Variants in EP400 observed in about 807,000 individuals in gnomAD.
EP400 encodes E1A-binding protein p400.
In EP400, 105 loss-of-function variants were observed where a neutral mutation model predicts 354.1. That is an observed-to-expected ratio of 0.30 (90% CI 0.25 to 0.35). EP400 has a LOEUF of 0.35. Among genes scored for constraint, EP400 ranks in the 10% least tolerant of loss-of-function variants. EP400 has a pLI of 1.00. For missense variants in EP400, 3,280 were observed against 4,121.0 expected (o/e 0.80, Z 5.59); for synonymous variants, 1,646 against 1,716.9 (o/e 0.96, Z 1.02).
rs750532543 is a variant in EP400, at chr12:132,018,263, T to C, written c.4164T>C (p.Arg1388=). The change falls in exon 21 of 53, where the codon CGT becomes CGC. Residue 1388 remains arginine, a synonymous_variant. Coordinates refer to ENST00000389561, the MANE Select transcript of EP400 (RefSeq NM_015409.5). The surrounding 1 kb of genome is among the most constrained non-coding windows in gnomAD (Gnocchi z 4.0). ...TCGGCTTAGAAAATAAAATCACTCG[T>C]CACGAGGCAGAGTTGCTGTCTAAGA... The part of the protein sequence containing the change: ...DLIGLENKIT[R]HEAELLSKKK... 3 of 1,613,648 alleles carry C rather than the reference T, an allele frequency of 1.9e-6. No homozygotes were observed. The highest frequency in any genetic ancestry group is 2.5e-6 in the Non-Finnish European group (3 of 1,179,932).
rs1248323563 is a variant in EP400 at position 132,050,278 on chromosome 12, T to A, written c.7201-45T>A. ...GCCCTGTGTCCCACGCAGCCGTCTG[T>A]CCATGCTGCCTAATTCAGATGCACT... On this transcript the variant is annotated intron_variant, in intron 39 of 52. Coordinates refer to ENST00000389561, the MANE Select transcript of EP400 (RefSeq NM_015409.5). This position sits in a 1 kb window ranked among gnomAD's most constrained non-coding sequence, Gnocchi z 4.8. The A allele has an allele frequency of 1.2e-6, 2 of 1,610,388 alleles. No individual in the cohort carries two copies. Among genetic ancestry groups the A allele is most frequent in the Non-Finnish European group, 1.7e-6 (2 of 1,177,440 alleles).
At chr12:132,033,687 A>G (rs1593362038) in intron 30 of EP400, among the ~76,000 whole-genome samples, 1 of 151,924 alleles carries the variant, frequency 6.6e-6, no homozygotes, top group Non-Finnish European at 1.5e-5. Flanking sequence ...GTGCAGTACC[A>G]TGCCTGGCTA....
chr12:132,023,997 T>C, intron 24 of EP400, 56 bp downstream of exon 24: 1 of 1,479,524 alleles, frequency 6.8e-7, no homozygotes, highest in Non-Finnish European at 9.0e-7. Flanking sequence ...CGCCTCACCA[T>C]GAGCCCTGCT....
In EP400 at chr12:132,067,470, C is replaced by T; in HGVS notation, c.8858C>T (p.Ala2953Val). ...CAGCCCCAGGCTGCACAGGGCCCGGCAGCCGTCCAGCAGAAGGTACCGGGG... is the reference window on the plus strand; with the variant it reads ...CAGCCCCAGGCTGCACAGGGCCCGGTAGCCGTCCAGCAGAAGGTACCGGGG... ...AIQPQAAQGP[A>V]AVQQKITAQQ... Residue 2953 changes from alanine (A) to valine (V), a missense_variant, in exon 50 of 53, where the codon GCA (alanine) becomes GTA (valine). This residue lies in a region of EP400 where 279 missense variants were observed against 386.7 expected (regional missense o/e 0.72). Transcript: ENST00000389561. The surrounding 1 kb of genome is among the most constrained non-coding windows in gnomAD (Gnocchi z 5.3). The T allele has an allele frequency of 6.2e-7, 1 of 1,612,894 alleles. No homozygotes were observed. The highest frequency in any genetic ancestry group is 2.2e-5 in the East Asian group (1 of 44,870).
Position 132,038,131 on chromosome 12 carries a change from C to T in EP400, c.6207+35C>T, listed in dbSNP as rs144472811. The T allele has an allele frequency of 1.1e-3, 1,836 of 1,611,736 alleles. 19 individuals are homozygous for T. Among genetic ancestry groups the T allele is most frequent in the East Asian group, 9.9e-3 (442 of 44,866 alleles). On this transcript the variant is annotated intron_variant, in intron 32 of 52. Coordinates refer to ENST00000389561, the MANE Select transcript of EP400 (RefSeq NM_015409.5). The surrounding 1 kb of genome is among the most constrained non-coding windows in gnomAD (Gnocchi z 4.2). ...CATTGAATCTGGCTGAAGAGTTGCA[C>T]GGTGGGAGCCGGCGGAACACCTGCA...
intron 33 of EP400, 85 bp from the exon 34 acceptor site, chr12:132,043,560 A>G: frequency 6.3e-7 from 1 of 1,578,704 alleles, no homozygotes; most frequent in South Asian, 1.2e-5. Context: ...TTTTTGATTC[A>G]AATGTTGGTT....
Position 132,018,386 on chromosome 12 carries a change from A to G in EP400, c.4277+10A>G. 1.3e-6 allele frequency: 2 copies of G among 1,588,360 alleles called. No homozygotes were observed. The highest frequency in any genetic ancestry group is 4.5e-5 in the East Asian group (2 of 44,690). On this transcript the variant is annotated intron_variant, in intron 21 of 52. Coordinates refer to ENST00000389561, the MANE Select transcript of EP400 (RefSeq NM_015409.5). The surrounding 1 kb of genome is among the most constrained non-coding windows in gnomAD (Gnocchi z 4.0). ...AGCTGAAGGCCAGCAGGTGCGTGCG[A>G]CCCAGAGGCAGCGGGGAGGGTTGGC...
At position 131,967,550 on chromosome 12, in the gene EP400, C is replaced by T. The variant is rs1443957895; in HGVS notation, c.1335+5596C>T. 4.0e-5 allele frequency among the ~76,000 whole-genome samples: 6 copies of T among 151,474 alleles called. No individual in the cohort carries two copies. The East Asian group carries it at 5.8e-4, about 15-fold the overall frequency. On this transcript the variant is annotated intron_variant, in intron 2 of 52. Coordinates refer to ENST00000389561, the MANE Select transcript of EP400 (RefSeq NM_015409.5). ...TTAAAAAAAAAAAAAATTAGCCAGG[C>T]GTAGTGGCGTGCCGCTGTAGTCCCA...
At position 132,074,492 on chromosome 12, in the gene EP400, G is replaced by A. The variant is rs142265657; in HGVS notation, c.9022-2024G>A. Among the ~76,000 whole-genome samples, 37 of 152,250 alleles carry A rather than the reference G, an allele frequency of 2.4e-4. No homozygotes were observed. The South Asian group carries it at 5.8e-3, about 24-fold the overall frequency. ...CCCACTGTCTGCCTGTTATCGAGAC[G>A]TTGTCTTTGTCTTTGTTGTTTTGCA... On this transcript the variant is annotated intron_variant, in intron 51 of 52. Transcript: ENST00000389561.
chr12:131,984,302 G>A (rs1892781141), intron 5 of EP400, among the ~76,000 whole-genome samples: 1 of 152,172 alleles, frequency 6.6e-6, no homozygotes, highest in African/African-American at 2.4e-5. Context: ...GTGAGGTGTG[G>A]TGTCAAGCAC....
At chr12:132,040,527 T>C (rs1894864149) in intron 32 of EP400, among the ~76,000 whole-genome samples, 1 of 152,210 alleles carries the variant, frequency 6.6e-6, no homozygotes, top group Admixed American at 6.5e-5. Flanking sequence ...CAGCATAGTA[T>C]TTCAACACAC....
At chr12:132,066,588 CTGACCTG>C in intron 48 of EP400, 179 bp from the exon 49 acceptor site, 1 of 610,500 alleles carries the variant, frequency 1.6e-6, no homozygotes, top group Non-Finnish European at 2.7e-6. Context: ...GAAGCGCGGG[CTGACCTG>C]TGACTTGACA....
chr12:132,018,184 AAG>A lies in EP400; in HGVS notation c.4111-24_4111-23del. On this transcript the variant is annotated intron_variant, in intron 20 of 52. Transcript: ENST00000389561. This position sits in a 1 kb window ranked among gnomAD's most constrained non-coding sequence, Gnocchi z 4.0. ...TGCTTTTTTTGCCTCTTCATGCAGC[AAG>A]ACTTTTTTTCTTTTTCTCTCTAGGA... 2 of 1,606,526 alleles carry A rather than the reference AAG, an allele frequency of 1.2e-6. No homozygotes were observed. The highest frequency in any genetic ancestry group is 1.7e-6 in the Non-Finnish European group (2 of 1,178,340).
intron 5 of EP400, among the ~76,000 whole-genome samples, chr12:131,986,174 C>T (rs1301218843): frequency 6.6e-6 from 1 of 152,066 alleles, no homozygotes; most frequent in Non-Finnish European, 1.5e-5. Context: ...TGGGGTCTTT[C>T]TTTGTCAAAG....
chr12:132,059,235 T>C (rs767106740), intron 45 of EP400, among the ~76,000 whole-genome samples: 2 of 152,104 alleles, frequency 1.3e-5, no homozygotes, highest in Non-Finnish European at 2.9e-5. Flanking sequence ...AAGGAAACTA[T>C]TGATACACCG....
intron 23 of EP400, among the ~76,000 whole-genome samples, chr12:132,021,617 A>G (rs1288435360): frequency 6.6e-6 from 1 of 152,130 alleles, no homozygotes; most frequent in Non-Finnish European, 1.5e-5. Context: ...GGCACTTCCC[A>G]GTGTTAGCCC....
At position 131,990,074 on chromosome 12, in the gene EP400, G is replaced by T; in HGVS notation, c.2520G>T (p.Glu840Asp). The T allele has an allele frequency of 6.2e-7, 1 of 1,611,022 alleles. No individual in the cohort carries two copies. ...LRRIAASTAR[E>D]IECFWSNIEQ... is the part of the protein sequence containing the mutation. Reference sequence around the variant, plus strand: ...GGATAGCCGCCTCCACGGCCCGGGAGATAGAGTGCTTTTGGTCGAATATTG... The same window carrying T: ...GGATAGCCGCCTCCACGGCCCGGGATATAGAGTGCTTTTGGTCGAATATTG... The change falls in exon 8 of 53, where the codon GAG becomes GAT. Residue 840 changes from glutamate to aspartate, a missense_variant. Physicochemically the swap from Glu to Asp is conservative, Grantham distance 45 (BLOSUM62 2). This residue lies in a region of EP400 where 800 missense variants were observed against 840.0 expected (regional missense o/e 0.95). Transcript: ENST00000389561. The surrounding 1 kb of genome is among the most constrained non-coding windows in gnomAD (Gnocchi z 4.2).
At chr12:131,970,234 G>A (rs1486982159) in intron 2 of EP400, among the ~76,000 whole-genome samples, 2 of 152,160 alleles carry the variant, frequency 1.3e-5, no homozygotes, top group Admixed American at 6.5e-5. Flanking sequence ...CTATCAACAC[G>A]AAAAAGAGAT....
chr12:131,968,712 T>G (rs1278966562), intron 2 of EP400, among the ~76,000 whole-genome samples: 1 of 152,212 alleles, frequency 6.6e-6, no homozygotes, highest in Non-Finnish European at 1.5e-5. Flanking sequence ...ATATGGTGTA[T>G]CTCTCCATTT....
Sources: allele counts gnomAD v4.1 joint callset (sites outside exome capture counted in the v4.1 genomes callset), GRCh38; gene constraint gnomAD v4.1.1; regional missense constraint gnomAD v4.1.1; non-coding constraint Gnocchi (gnomAD v3.1); transcripts MANE v1.5; gene names NCBI Gene and HGNC (gene_info 2026-07-23, HGNC 2026-07-21).